LRRC4C: variants seen among roughly 807,000 people sequenced by gnomAD.
LRRC4C encodes leucine-rich repeat-containing protein 4C.
LRRC4C carries 5 observed loss-of-function variants against 33.6 expected under a neutral mutation model. That is an observed-to-expected ratio of 0.15 (90% CI 0.08 to 0.31). LRRC4C has a LOEUF of 0.31. LRRC4C is among the 10% of genes least tolerant of loss of function. The probability of loss-of-function intolerance (pLI) is 1.00; values close to 1 mark genes in which losing one functional copy is unlikely to be tolerated. For synonymous variants in LRRC4C, 329 were observed against 302.0 expected (o/e 1.09, Z -0.93); for missense variants, 560 against 796.7 (o/e 0.70, Z 3.58).
At chr11:41,434,502 G>A (rs1955356227) in intron 1 of LRRC4C, among the ~76,000 whole-genome samples, 1 of 152,072 alleles carries the variant, frequency 6.6e-6, no homozygotes, top group Non-Finnish European at 1.5e-5. Flanking sequence ...TTCACAGGTT[G>A]TTTAAGCCCC....
At chr11:41,235,368 T>C (rs765906506) in intron 1 of LRRC4C, among the ~76,000 whole-genome samples, 2 of 152,234 alleles carry the variant, frequency 1.3e-5, no homozygotes, top group Middle Eastern at 3.4e-3. Context: ...CTATATTATA[T>C]TCAGGTCATT....
At chr11:40,404,788 T>G (rs1307679678) in intron 3 of LRRC4C, among the ~76,000 whole-genome samples, 1 of 152,102 alleles carries the variant, frequency 6.6e-6, no homozygotes, top group Non-Finnish European at 1.5e-5. Flanking sequence ...CATATCATGA[T>G]GTTGCAAATA....
At chr11:41,080,125 G>T (rs901424465) in intron 1 of LRRC4C, among the ~76,000 whole-genome samples, 7 of 152,068 alleles carry the variant, frequency 4.6e-5, no homozygotes, top group Non-Finnish European at 8.8e-5. Context: ...GTTAATTTTA[G>T]GGGTGAGTTT....
intron 5 of LRRC4C, among the ~76,000 whole-genome samples, chr11:40,167,849 A>T (rs1205482585): frequency 6.6e-6 from 1 of 152,160 alleles, no homozygotes; most frequent in Admixed American, 6.5e-5. Context: ...GTTCAAGACC[A>T]GCCTGACCAA....
At chr11:40,254,453 T>A (rs1867042353) in intron 4 of LRRC4C, among the ~76,000 whole-genome samples, 1 of 152,170 alleles carries the variant, frequency 6.6e-6, no homozygotes. Context: ...ACATGGTCCA[T>A]CTTTCATATT....
intron 1 of LRRC4C, among the ~76,000 whole-genome samples, chr11:40,972,803 T>C (rs1243653379): frequency 1.3e-5 from 2 of 152,146 alleles, no homozygotes; most frequent in Non-Finnish European, 2.9e-5. Context: ...ATGTGGGGAT[T>C]ACAATTCCAG....
At chr11:41,195,608 T>C (rs190298073) in intron 1 of LRRC4C, among the ~76,000 whole-genome samples, 340 of 152,150 alleles carry the variant, frequency 2.2e-3, no homozygotes, top group Non-Finnish European at 3.8e-3. Context: ...CAGGTATGCG[T>C]TGACTTAGAG....
intron 3 of LRRC4C, among the ~76,000 whole-genome samples, chr11:40,647,288 T>G (rs1942525832): frequency 6.6e-6 from 1 of 152,214 alleles, no homozygotes; most frequent in Non-Finnish European, 1.5e-5. Flanking sequence ...ATTCAAGTAT[T>G]TGCCAGTAAA....
chr11:40,621,848 T>A (rs1321338954), intron 3 of LRRC4C, among the ~76,000 whole-genome samples: 1 of 151,858 alleles, frequency 6.6e-6, no homozygotes, highest in Non-Finnish European at 1.5e-5. Flanking sequence ...TTAACCAATA[T>A]AACAACTTTA....
intron 6 of LRRC4C, among the ~76,000 whole-genome samples, chr11:40,135,455 T>G (rs1856904297): frequency 6.6e-6 from 1 of 152,198 alleles, no homozygotes; most frequent in Admixed American, 6.5e-5. Context: ...ACTCCCTGTA[T>G]TTTTCTGTAT....
At chr11:41,390,855 C>T (rs1953561659) in intron 1 of LRRC4C, among the ~76,000 whole-genome samples, 1 of 151,826 alleles carries the variant, frequency 6.6e-6, no homozygotes, top group Non-Finnish European at 1.5e-5. Flanking sequence ...TCATCACCCA[C>T]TGTGTTCCTG....
At chr11:41,156,990 T>G (rs1470029711) in intron 1 of LRRC4C, among the ~76,000 whole-genome samples, 1 of 151,984 alleles carries the variant, frequency 6.6e-6, no homozygotes, top group Non-Finnish European at 1.5e-5. Flanking sequence ...ATTGGAGAAG[T>G]GTTTGCTGTC....
intron 1 of LRRC4C, among the ~76,000 whole-genome samples, chr11:41,329,758 GC>G (rs1951235314): frequency 6.6e-6 from 1 of 152,194 alleles, no homozygotes. Flanking sequence ...GAAATGTGGA[GC>G]TTTTTTGTTG....
At chr11:40,698,648 T>C (rs1172095953) in intron 2 of LRRC4C, among the ~76,000 whole-genome samples, 3 of 152,278 alleles carry the variant, frequency 2.0e-5, no homozygotes, top group East Asian at 1.9e-4. Context: ...AAATACTTTA[T>C]TAGTCCATTT....
chr11:40,165,317 T>A (rs188775801), intron 5 of LRRC4C, among the ~76,000 whole-genome samples: 170 of 152,316 alleles, frequency 1.1e-3, no homozygotes, highest in Non-Finnish European at 2.0e-3. Context: ...TTTGTATTTG[T>A]TTTTATATGT....
intron 4 of LRRC4C, among the ~76,000 whole-genome samples, chr11:40,303,425 A>G (rs893984380): frequency 6.6e-6 from 1 of 152,148 alleles, no homozygotes; most frequent in African/African-American, 2.4e-5. Context: ...GCTTCCTTAT[A>G]AGGGTGATTT....
At chr11:40,281,787 A>G (rs777020501) in intron 4 of LRRC4C, among the ~76,000 whole-genome samples, 5 of 152,208 alleles carry the variant, frequency 3.3e-5, no homozygotes, top group Non-Finnish European at 7.3e-5. Context: ...GACCACATCG[A>G]TGATAACAGG....
intron 2 of LRRC4C, among the ~76,000 whole-genome samples, chr11:40,739,987 G>T (rs1948083231): frequency 6.6e-6 from 1 of 150,844 alleles, no homozygotes; most frequent in African/African-American, 2.4e-5. Context: ...AAAATATATA[G>T]GTATATATAT....
chr11:40,792,358 A>T (rs1950662201), intron 2 of LRRC4C, among the ~76,000 whole-genome samples: 2 of 152,204 alleles, frequency 1.3e-5, no homozygotes, highest in Non-Finnish European at 2.9e-5. Context: ...TGGTGTAAAA[A>T]GAAGTTTAAT....
Sources: allele counts gnomAD v4.1 joint callset (sites outside exome capture counted in the v4.1 genomes callset), GRCh38; gene constraint gnomAD v4.1.1; transcripts MANE v1.5; gene names NCBI Gene and HGNC (gene_info 2026-07-23, HGNC 2026-07-21).